RNF150: variants seen among roughly 807,000 people sequenced by gnomAD.
The protein encoded by RNF150 is ring finger protein 150.
RNF150 carries 24 observed loss-of-function variants against 39.3 expected under a neutral mutation model. The ratio of observed to expected loss-of-function variants is 0.61; its 90% CI spans 0.44 to 0.86. The LOEUF (loss-of-function observed/expected upper bound fraction) is 0.86. Among genes scored for constraint, RNF150 ranks in the 40% least tolerant of loss-of-function variants. The pLI is 0.00. For synonymous variants in RNF150, 255 were observed against 227.3 expected (o/e 1.12, Z -1.10); for missense variants, 502 against 587.8 (o/e 0.85, Z 1.51).
intron 1 of RNF150, among the ~76,000 whole-genome samples, chr4:141,035,602 C>T (rs1005440389): frequency 6.6e-6 from 1 of 152,108 alleles, no homozygotes; most frequent in East Asian, 1.9e-4. Flanking sequence ...AAGGCAGTGG[C>T]CTTCATTAAT....
Position 140,992,704 on chromosome 4 carries a change from C to G in RNF150, c.485-24831G>C, listed in dbSNP as rs78140982. Among the ~76,000 whole-genome samples, 389 of 152,284 alleles carry G rather than the reference C, an allele frequency of 2.6e-3. 2 individuals carry two copies. The highest frequency in any genetic ancestry group is 9.0e-3 in the African/African-American group (373 of 41,554). The stretch of plus-strand genomic sequence containing the variant: ...GGGGCACTTAGAAATACTGTACTTA[C>G]TTCAAAGAATGGGCTGGACACAGTC... On this transcript the variant is annotated intron_variant, in intron 1 of 6. Transcript: ENST00000515673.
intron 1 of RNF150, among the ~76,000 whole-genome samples, chr4:141,025,983 AAG>A (rs1339612044): frequency 1.1e-4 from 17 of 152,146 alleles, no homozygotes; most frequent in Middle Eastern, 3.2e-3. Flanking sequence ...CTCCTAAGAA[AAG>A]AGAGAGTTTG....
intron 1 of RNF150, among the ~76,000 whole-genome samples, chr4:141,040,184 CAT>C (rs1491213757): frequency 3.3e-5 from 5 of 151,838 alleles, no homozygotes; most frequent in African/African-American, 4.8e-5. Context: ...CACACACACA[CAT>C]GTTGTAGAGC....
intron 1 of RNF150, among the ~76,000 whole-genome samples, chr4:141,045,630 G>A (rs1442565887): frequency 5.9e-5 from 9 of 151,724 alleles, no homozygotes; most frequent in East Asian, 3.9e-4. Context: ...TGAAACCTCC[G>A]CCTCCCGGTT....
intron 1 of RNF150, among the ~76,000 whole-genome samples, chr4:140,990,051 A>G (rs1238739672): frequency 6.6e-6 from 1 of 152,218 alleles, no homozygotes; most frequent in Non-Finnish European, 1.5e-5. Flanking sequence ...AAAGTTCCAA[A>G]TTATATTTAG....
intron 1 of RNF150, among the ~76,000 whole-genome samples, chr4:141,162,050 T>C (rs941762912): frequency 6.6e-6 from 1 of 152,152 alleles, no homozygotes; most frequent in African/African-American, 2.4e-5. Flanking sequence ...AGGGCCACTG[T>C]CCTCCAGGCC....
At chr4:140,921,907 A>G (rs932593239) in intron 5 of RNF150, among the ~76,000 whole-genome samples, 4 of 152,178 alleles carry the variant, frequency 2.6e-5, no homozygotes, top group Admixed American at 2.6e-4. Flanking sequence ...GGCCTTTGAC[A>G]AAATTCAACA....
At chr4:140,873,211 C>G (rs781072590) in intron 6 of RNF150, among the ~76,000 whole-genome samples, 10 of 152,106 alleles carry the variant, frequency 6.6e-5, no homozygotes, top group Admixed American at 3.9e-4. Context: ...ACGGTAATAC[C>G]TGTCTGATTC....
At chr4:141,017,280 C>G (rs950951185) in intron 1 of RNF150, among the ~76,000 whole-genome samples, 3 of 152,086 alleles carry the variant, frequency 2.0e-5, no homozygotes, top group African/African-American at 7.2e-5. Context: ...TTATTTTAGT[C>G]ACAGGCTTAA....
chr4:141,011,310 C>T (rs1735066971), intron 1 of RNF150, among the ~76,000 whole-genome samples: 1 of 151,982 alleles, frequency 6.6e-6, no homozygotes, highest in Admixed American at 6.5e-5. Flanking sequence ...CCACTATGGT[C>T]AACTGGAGGA....
intron 2 of RNF150, among the ~76,000 whole-genome samples, chr4:140,959,429 A>G (rs1732924125): frequency 6.6e-6 from 1 of 152,054 alleles, no homozygotes; most frequent in South Asian, 2.1e-4. Context: ...ATCCTAATCC[A>G]CATGCTCCTA....
chr4:141,073,978 G>C (rs895143627), intron 1 of RNF150, among the ~76,000 whole-genome samples: 4 of 151,990 alleles, frequency 2.6e-5, no homozygotes, highest in African/African-American at 9.7e-5. Flanking sequence ...TCCTGAGGTA[G>C]AGGACTGTTC....
At chr4:141,111,977 T>A (rs1202296628) in intron 1 of RNF150, among the ~76,000 whole-genome samples, 1 of 152,176 alleles carries the variant, frequency 6.6e-6, no homozygotes, top group Non-Finnish European at 1.5e-5. Context: ...ACTGATTTAT[T>A]TATAAAACTA....
intron 1 of RNF150, among the ~76,000 whole-genome samples, chr4:141,093,018 A>ATAAC (rs1234291140): frequency 6.6e-6 from 1 of 152,138 alleles, no homozygotes; most frequent in African/African-American, 2.4e-5. Flanking sequence ...CTTGAGCCAG[A>ATAAC]CCCATGGGGG....
At chr4:141,076,710 T>G (rs1485384997) in intron 1 of RNF150, among the ~76,000 whole-genome samples, 1 of 152,100 alleles carries the variant, frequency 6.6e-6, no homozygotes, top group African/African-American at 2.4e-5. Context: ...CCAGCCCTTT[T>G]GAGACCTTTA....
At chr4:141,181,985 C>T (rs1193081633) in intron 1 of RNF150, among the ~76,000 whole-genome samples, 1 of 152,156 alleles carries the variant, frequency 6.6e-6, no homozygotes, top group Non-Finnish European at 1.5e-5. Flanking sequence ...TATCCGGAAT[C>T]TCCAGGTCTT....
At chr4:141,074,053 G>A (rs952573286) in intron 1 of RNF150, among the ~76,000 whole-genome samples, 2 of 152,050 alleles carry the variant, frequency 1.3e-5, no homozygotes, top group Admixed American at 6.6e-5. Flanking sequence ...AGGCAATGGA[G>A]GAAGGTATAA....
In RNF150 at chr4:140,912,684, C is replaced by T. The variant is rs114775243; in HGVS notation, c.988-1330G>A. On this transcript the variant is annotated intron_variant, in intron 5 of 6. Transcript: ENST00000515673. ...AGTCAGCTGAAGAGCTCTACCATTC[C>T]ATAAACACATCAAATTCAGTTTATT... Among the ~76,000 whole-genome samples, 392 of 152,308 alleles carry T rather than the reference C, an allele frequency of 2.6e-3. 1 individual carries two copies. Among genetic ancestry groups the T allele is most frequent in the Middle Eastern group, 0.014 (4 of 292 alleles).
intron 1 of RNF150, among the ~76,000 whole-genome samples, chr4:141,151,389 A>G (rs1207937333): frequency 6.7e-6 from 1 of 149,798 alleles, no homozygotes; most frequent in Non-Finnish European, 1.5e-5. Flanking sequence ...TGGGCAATGT[A>G]GTGAAACCCC....
Sources: allele counts gnomAD v4.1 joint callset (sites outside exome capture counted in the v4.1 genomes callset), GRCh38; gene constraint gnomAD v4.1.1; transcripts MANE v1.5; gene names NCBI Gene and HGNC (gene_info 2026-07-23, HGNC 2026-07-21).